Variants in SYCE1 observed in about 807,000 individuals in gnomAD.
SYCE1 encodes cancer/testis antigen 76.
In SYCE1, 37 loss-of-function variants were observed where a neutral mutation model predicts 55.1. That is an observed-to-expected ratio of 0.67 (90% CI 0.52 to 0.88). The LOEUF (loss-of-function observed/expected upper bound fraction) is 0.88, where lower values mean the gene tolerates loss of function less well. Among genes scored for constraint, SYCE1 ranks in the 40% least tolerant of loss-of-function variants. The pLI is 0.00. For missense variants in SYCE1, 399 were observed against 416.4 expected, an observed-to-expected ratio of 0.96 and a Z score of 0.36; for synonymous variants, 163 against 159.4, an observed-to-expected ratio of 1.02 and a Z score of -0.17.
Position 133,558,867 on chromosome 10 carries a change from G to C in SYCE1, c.271+10C>G. 6.2e-7 allele frequency: 1 copy of C among 1,613,302 alleles called. No homozygotes were observed. The highest frequency in any genetic ancestry group is 1.1e-5 in the South Asian group (1 of 90,942). On this transcript the variant is annotated intron_variant, in intron 4 of 12. Transcript: ENST00000343131. Reference sequence around the variant, plus strand: ...TGTGGGGACCTCTGGGTGACCCCCGGCTCTCTTACGCGAGTCCAGTTCCTT... The same window carrying C: ...TGTGGGGACCTCTGGGTGACCCCCGCCTCTCTTACGCGAGTCCAGTTCCTT...
chr10:133,563,989 C>T (rs900326574), intron 1 of SYCE1, among the ~76,000 whole-genome samples: 1 of 150,626 alleles, frequency 6.6e-6, no homozygotes. Flanking sequence ...GATAACATCC[C>T]TGCTTCCTTT....
At chr10:133,554,591 C>T (rs1380835239), downstream of SYCE1, 1 of 681,684 alleles carries the variant, frequency 1.5e-6, no homozygotes, top group East Asian at 2.8e-5. Context: ...GTGGGGACTA[C>T]CATATGGAAC....
intron 4 of SYCE1, chr10:133,558,527 T>C (rs971292719): frequency 5.6e-6 from 3 of 532,846 alleles, no homozygotes; most frequent in Non-Finnish European, 1.0e-5. Flanking sequence ...GGATGGGGCA[T>C]GTGACCAGAT....
chr10:133,556,041 C>G lies in SYCE1; in HGVS notation c.535G>C (p.Glu179Gln). The change falls in exon 9 of 13, where the codon GAG becomes CAG. Residue 179 changes from glutamate to glutamine, a missense_variant. Physicochemically the swap from Glu to Gln is conservative, Grantham distance 29. Coordinates refer to ENST00000343131, the MANE Select transcript of SYCE1 (RefSeq NM_001143764.3). Reference sequence around the variant, plus strand: ...GCACAAATCTCCTTTGCCAGCCGCTCTGGCATCTGAGGGGCAGAAAAGAGG... The same window carrying G: ...GCACAAATCTCCTTTGCCAGCCGCTGTGGCATCTGAGGGGCAGAAAAGAGG... ...HKDLWDFHMP[E>Q]RLAKEICALD... 1.9e-6 allele frequency: 3 copies of G among 1,613,800 alleles called. No homozygotes were observed. Among genetic ancestry groups the G allele is most frequent in the African/African-American group, 1.3e-5 (1 of 75,052 alleles).
intron 1 of SYCE1, chr10:133,564,296 T>C (rs1232837310): frequency 1.6e-5 from 12 of 762,226 alleles, no homozygotes; most frequent in Non-Finnish European, 1.9e-5. Flanking sequence ...AGACGCTGAA[T>C]TGCACCTTGA....
chr10:133,558,080 T>C, intron 5 of SYCE1, 87 bp downstream of exon 5: 3 of 1,582,974 alleles, frequency 1.9e-6, no homozygotes, highest in Admixed American at 3.4e-5. Flanking sequence ...CTGGGACAGG[T>C]TTCAAAAGGC....
At chr10:133,560,301 G>GTC in intron 1 of SYCE1, 148 bp from the exon 2 acceptor site, 1 of 601,894 alleles carries the variant, frequency 1.7e-6, no homozygotes, top group Non-Finnish European at 2.9e-6. Context: ...GATGAATCGG[G>GTC]CTCCTCCATG....
upstream of SYCE1, chr10:133,565,672 G>C (rs1413427213): frequency 3.8e-6 from 3 of 795,652 alleles, no homozygotes; most frequent in African/African-American, 1.8e-5. Flanking sequence ...GTAATTCTCC[G>C]GCAGGCCTGC....
chr10:133,555,423 C>T lies in SYCE1; in HGVS notation c.846G>A (p.Leu282=), dbSNP rs1329595346. 3 of 1,614,102 alleles carry T rather than the reference C, an allele frequency of 1.9e-6. No homozygotes were observed. In the African/African-American group the frequency reaches 4.0e-5, roughly 22 times the overall value. Residue 282 remains leucine (L), a synonymous_variant, in exon 12 of 13, where the codon CTG becomes CTA. Transcript: ENST00000343131. ...CAGGGACTTGCATTCCATGCTTTTC[C>T]AGCTCTTCCTTCAGCCTGGACAGGA... The part of the protein sequence containing the change: ...QQKRQRLKEE[L]EKHGMQVPAQ...
At chr10:133,556,128 T>C (rs550229076) in intron 8 of SYCE1, 81 bp from the exon 9 acceptor site, 16 of 1,532,414 alleles carry the variant, frequency 1.0e-5, no homozygotes, top group South Asian at 1.0e-4. Flanking sequence ...TCTTGTTTCA[T>C]ACTTACTCAC....
intron 2 of SYCE1, 138 bp from the exon 3 acceptor site, chr10:133,559,498 G>T: frequency 1.3e-6 from 1 of 797,110 alleles, no homozygotes; most frequent in Non-Finnish European, 2.1e-6. Context: ...GGCCCTCACG[G>T]GGCTCACGTT....
chr10:133,562,451 A>C (rs12767560), intron 1 of SYCE1, among the ~76,000 whole-genome samples: 14,820 of 151,786 alleles, frequency 0.098, 883 homozygotes, highest in East Asian at 0.25. Context: ...CTTTCCCTTG[A>C]ACGCTCTGCT....
At position 133,554,960 on chromosome 10, in the gene SYCE1, A is replaced by C; in HGVS notation, c.*32T>G. 6.6e-7 allele frequency: 1 copy of C among 1,507,034 alleles called. No homozygotes were observed. The highest frequency in any genetic ancestry group is 8.9e-7 in the Non-Finnish European group (1 of 1,127,786). 93.4% of individuals were successfully genotyped at this position (1,507,034 alleles called of 1,614,324 possible). On this transcript the variant is annotated 3_prime_UTR_variant, in exon 13 of 13. Transcript: ENST00000343131. ...CAGGAGACTGGGGATCTTGGGCCTGACCCCTACTCCTCACCAGTAGACTTA... is the reference window on the plus strand; with the variant it reads ...CAGGAGACTGGGGATCTTGGGCCTGCCCCCTACTCCTCACCAGTAGACTTA...
chr10:133,555,090 C>T lies in SYCE1; in HGVS notation c.958G>A (p.Ala320Thr). The change falls in exon 13 of 13, where the codon GCA becomes ACA. Residue 320 changes from alanine (A) to threonine (T), a missense_variant. Coordinates refer to ENST00000343131, the MANE Select transcript of SYCE1 (RefSeq NM_001143764.3). The part of the protein sequence containing the change: ...KPLKGERPGA[A>T]HQAGPDVLIG... ...AGGACATCAGGCCCTGCTTGGTGTGCAGCTCCAGGTCTTTCTCCTTTTAGG... is the reference window on the plus strand; with the variant it reads ...AGGACATCAGGCCCTGCTTGGTGTGTAGCTCCAGGTCTTTCTCCTTTTAGG... 2 of 1,551,188 alleles carry T rather than the reference C, an allele frequency of 1.3e-6. No individual in the cohort carries two copies. The highest frequency in any genetic ancestry group is 8.7e-7 in the Non-Finnish European group (1 of 1,146,902).
At chr10:133,567,231 TG>T (rs1445027470), upstream of SYCE1, among the ~76,000 whole-genome samples, 2 of 151,128 alleles carry the variant, frequency 1.3e-5, no homozygotes, top group African/African-American at 4.9e-5. Flanking sequence ...GTGTCGGGGT[TG>T]GGTTGGAGGC....
chr10:133,560,299 G>A (rs1410395698), intron 1 of SYCE1, 146 bp from the exon 2 acceptor site: 18 of 607,428 alleles, frequency 3.0e-5, no homozygotes, highest in Non-Finnish European at 4.9e-5. Context: ...TAGATGAATC[G>A]GGCTCCTCCA....
intron 2 of SYCE1, chr10:133,559,776 AGTAGCGGGTGAGGGG>A: frequency 2.3e-6 from 1 of 432,954 alleles, no homozygotes. Flanking sequence ...GCAAAGAGGG[AGTAGCGGGTGAGGGG>A]GAAGGAAGGG....
Position 133,555,417 on chromosome 10 carries a change from C to A in SYCE1, c.852G>T (p.Lys284Asn). Residue 284 changes from lysine (K) to asparagine (N), a missense_variant, in exon 12 of 13, where the codon AAG (lysine) becomes AAT (asparagine). Lys to Asn is a moderately conservative substitution (Grantham distance 94). Coordinates refer to ENST00000343131, the MANE Select transcript of SYCE1 (RefSeq NM_001143764.3). ...CTTGGGCAGGGACTTGCATTCCATGCTTTTCCAGCTCTTCCTTCAGCCTGG... is the reference window on the plus strand; with the variant it reads ...CTTGGGCAGGGACTTGCATTCCATGATTTTCCAGCTCTTCCTTCAGCCTGG... ...KRQRLKEELE[K>N]HGMQVPAQAQ... The A allele has an allele frequency of 6.2e-7, 1 of 1,614,112 alleles. No homozygotes were observed. Among genetic ancestry groups the A allele is most frequent in the Non-Finnish European group, 8.5e-7 (1 of 1,180,028 alleles).
At chr10:133,561,455 T>C (rs1851812747) in intron 1 of SYCE1, among the ~76,000 whole-genome samples, 1 of 152,148 alleles carries the variant, frequency 6.6e-6, no homozygotes. Context: ...AACTCTACTC[T>C]TTTTTTGGAG....
Sources: gnomAD v4.1 joint callset for allele counts (sites outside exome capture counted in the v4.1 genomes callset) on GRCh38, gnomAD v4.1.1 for gene constraint, MANE v1.5 for transcripts, NCBI Gene and HGNC (gene_info 2026-07-23, HGNC 2026-07-21) for gene names.